Variants in SLC39A10 observed in about 807,000 individuals in gnomAD.
The protein encoded by SLC39A10 is solute carrier family 39 member 10.
In SLC39A10, 13 loss-of-function variants were observed where a neutral mutation model predicts 65.1. The observed-to-expected ratio is 0.20, with a 90% CI of 0.13 to 0.32. The LOEUF is 0.32. Among genes scored for constraint, SLC39A10 ranks in the 10% least tolerant of loss-of-function variants. SLC39A10 has a pLI of 1.00. For missense variants in SLC39A10, 831 were observed against 1,018.4 expected, an observed-to-expected ratio of 0.82 and a Z score of 2.50; for synonymous variants, 321 against 342.2, an observed-to-expected ratio of 0.94 and a Z score of 0.68.
intron 1 of SLC39A10, among the ~76,000 whole-genome samples, chr2:195,660,599 C>T (rs1490046807): frequency 2.0e-5 from 3 of 152,086 alleles, no homozygotes; most frequent in Non-Finnish European, 4.4e-5. Flanking sequence ...GTTAGTGTTG[C>T]TAATAAGATG....
At chr2:195,637,846 A>G (rs777341019) in intron 2 of SLC39A10, among the ~76,000 whole-genome samples, 22 of 152,218 alleles carry the variant, frequency 1.4e-4, no homozygotes, top group Admixed American at 1.3e-3. Flanking sequence ...CATAAAGGCC[A>G]TAGTCGAAGC....
At chr2:195,696,499 A>G (rs1222550497) in intron 3 of SLC39A10, among the ~76,000 whole-genome samples, 1 of 152,132 alleles carries the variant, frequency 6.6e-6, no homozygotes, top group African/African-American at 2.4e-5. Flanking sequence ...TAAAAATAAT[A>G]CAAGAGTAAA....
At chr2:195,617,700 G>GTTTTATTTTAT (rs542710118) in intron 2 of SLC39A10, among the ~76,000 whole-genome samples, 1 of 97,542 alleles carries the variant, frequency 1.0e-5, no homozygotes, top group African/African-American at 3.6e-5. Flanking sequence ...GTGAGACCTT[G>GTTTTATTTTAT]TTTCTTTTCT....
intron 2 of SLC39A10, among the ~76,000 whole-genome samples, chr2:195,650,090 G>C (rs1274800381): frequency 6.6e-6 from 1 of 152,076 alleles, no homozygotes; most frequent in African/African-American, 2.4e-5. Context: ...AATGCTAACT[G>C]TGTAATTGTA....
upstream of SLC39A10, among the ~76,000 whole-genome samples, chr2:195,656,357 C>A (rs1423284635): frequency 1.3e-5 from 2 of 152,020 alleles, no homozygotes; most frequent in African/African-American, 4.8e-5. Context: ...GGATGTATGG[C>A]GTGAGCAAAG....
At chr2:195,615,190 G>A (rs1159555907) in intron 2 of SLC39A10, among the ~76,000 whole-genome samples, 4 of 152,210 alleles carry the variant, frequency 2.6e-5, no homozygotes, top group African/African-American at 9.6e-5. Context: ...AAACTGTAGT[G>A]TAGGTGAGAA....
intron 1 of SLC39A10, among the ~76,000 whole-genome samples, chr2:195,659,390 C>CT (rs369729951): frequency 1.6e-3 from 243 of 152,262 alleles, no homozygotes; most frequent in African/African-American, 5.7e-3. Context: ...ATTTGAAGTA[C>CT]TTTGAGTAGG....
Position 195,680,485 on chromosome 2 carries a change from A to T in SLC39A10, c.443A>T (p.Lys148Ile), listed in dbSNP as rs781095759. The T allele has an allele frequency of 6.2e-7, 1 of 1,614,212 alleles. No individual in the cohort carries two copies. The highest frequency in any genetic ancestry group is 8.5e-7 in the Non-Finnish European group (1 of 1,180,042). Reference protein sequence around the residue: ...ENQTVTSVSTKRNHKCDPEKE... With the variant: ...ENQTVTSVSTIRNHKCDPEKE... ...CAAACTGTGACCAGTGTATCCACAA[A>T]AAGAAACCATAAATGTGATCCAGAG... Residue 148 changes from lysine to isoleucine, a missense_variant, in exon 2 of 10, where the codon AAA (lysine) becomes ATA (isoleucine). This residue lies in a region of SLC39A10 where 446 missense variants were observed against 499.2 expected (regional missense o/e 0.89). Coordinates refer to ENST00000359634, the MANE Select transcript of SLC39A10 (RefSeq NM_020342.3).
chr2:195,617,709 C>CTTTATTTTATTTTATTTTA (rs1688248132), intron 2 of SLC39A10, among the ~76,000 whole-genome samples: 1 of 143,924 alleles, frequency 6.9e-6, no homozygotes, highest in Non-Finnish European at 1.5e-5. Flanking sequence ...TGTTTCTTTT[C>CTTTATTTTATTTTATTTTA]TTTTCTTTTC....
intron 2 of SLC39A10, among the ~76,000 whole-genome samples, chr2:195,643,875 C>T (rs968702374): frequency 6.6e-6 from 1 of 152,206 alleles, no homozygotes; most frequent in Non-Finnish European, 1.5e-5. Flanking sequence ...TCCTTTCTAC[C>T]CAACATCATC....
At position 195,708,774 on chromosome 2, in the gene SLC39A10, T is replaced by C; in HGVS notation, c.1505T>C (p.Leu502Pro). The change falls in exon 5 of 10, where the codon CTA (leucine) becomes CCA (proline). Residue 502 changes from leucine (L) to proline (P), a missense_variant. Coordinates refer to ENST00000359634, the MANE Select transcript of SLC39A10 (RefSeq NM_020342.3). ...GCTGTATTGAAAGGACTTGTTGCTC[T>C]AGGAGGCATTTACTTGCTATTTATC... ...YDAVLKGLVA[L>P]GGIYLLFIIE... The C allele has an allele frequency of 6.2e-7, 1 of 1,613,338 alleles. No individual in the cohort carries two copies. The highest frequency in any genetic ancestry group is 8.5e-7 in the Non-Finnish European group (1 of 1,179,652).
chr2:195,681,546 T>A (rs1244931564), intron 2 of SLC39A10, among the ~76,000 whole-genome samples: 1 of 152,100 alleles, frequency 6.6e-6, no homozygotes, highest in African/African-American at 2.4e-5. Context: ...GAAAAAAGAT[T>A]TTTAAAATCT....
intron 6 of SLC39A10, among the ~76,000 whole-genome samples, chr2:195,714,822 G>A (rs966009095): frequency 6.6e-6 from 1 of 152,038 alleles, no homozygotes; most frequent in Non-Finnish European, 1.5e-5. Flanking sequence ...GCGTGATCTT[G>A]GCTCACTGTA....
At chr2:195,671,666 TTGTGC>T (rs1468337218) in intron 1 of SLC39A10, 1 of 152,188 alleles carries the variant, frequency 6.6e-6, no homozygotes, top group Non-Finnish European at 1.5e-5. Flanking sequence ...GAGATCCTCT[TTGTGC>T]TGTCGATGGA....
At chr2:195,701,349 T>C (rs1258169693) in intron 3 of SLC39A10, among the ~76,000 whole-genome samples, 1 of 150,892 alleles carries the variant, frequency 6.6e-6, no homozygotes, top group Non-Finnish European at 1.5e-5. Context: ...TTTTTTTTTT[T>C]TTTTAGCATC....
At chr2:195,662,957 T>A (rs1238225576) in intron 1 of SLC39A10, among the ~76,000 whole-genome samples, 6 of 152,246 alleles carry the variant, frequency 3.9e-5, no homozygotes, top group South Asian at 2.1e-4. Context: ...TTTTTGTCTC[T>A]TTCCGCTTTC....
At chr2:195,658,926 A>G (rs1039685392) in intron 1 of SLC39A10, among the ~76,000 whole-genome samples, 3 of 152,272 alleles carry the variant, frequency 2.0e-5, no homozygotes. Context: ...TATGAAATAC[A>G]TAGAATTGCA....
At chr2:195,718,393 T>C in intron 8 of SLC39A10, 61 bp downstream of exon 8, 1 of 1,281,156 alleles carries the variant, frequency 7.8e-7, no homozygotes, top group South Asian at 1.3e-5. Flanking sequence ...TTAATTGTAA[T>C]TGCATTCAAA....
At chr2:195,691,061 C>G (rs1690723066) in intron 3 of SLC39A10, among the ~76,000 whole-genome samples, 2 of 152,040 alleles carry the variant, frequency 1.3e-5, no homozygotes, top group Non-Finnish European at 2.9e-5. Context: ...GCCTTTGTAT[C>G]CTCATAGCTT....
Sources: gnomAD v4.1 joint callset for allele counts (sites outside exome capture counted in the v4.1 genomes callset) on GRCh38, gnomAD v4.1.1 for gene constraint, gnomAD v4.1.1 regional missense constraint, MANE v1.5 for transcripts, NCBI Gene and HGNC (gene_info 2026-07-23, HGNC 2026-07-21) for gene names.